The following XRN1 variants were observed in gnomAD, a reference collection of about 807,000 sequenced individuals.
XRN1 encodes the protein strand-exchange protein 1 homolog.
XRN1 carries 67 observed loss-of-function variants against 222.3 expected under a neutral mutation model. The observed-to-expected ratio is 0.30, with a 90% CI of 0.25 to 0.37. The LOEUF (loss-of-function observed/expected upper bound fraction) is 0.37. XRN1 is among the 10% of genes least tolerant of loss of function. The pLI is 1.00. For synonymous variants in XRN1, 643 were observed against 652.4 expected, an observed-to-expected ratio of 0.99 and a Z score of 0.22; for missense variants, 1,707 against 2,000.2, an observed-to-expected ratio of 0.85 and a Z score of 2.80.
Position 142,359,992 on chromosome 3 carries a change from T to C in XRN1, c.3395-61A>G, listed in dbSNP as rs1007579225. 19 of 1,232,456 alleles carry C rather than the reference T, an allele frequency of 1.5e-5. No individual in the cohort carries two copies. In the East Asian group the frequency reaches 4.1e-4, roughly 27 times the overall value. The allele number at this position is 1,232,456 out of a possible 1,614,324, so 76.3% of individuals were successfully genotyped here. On this transcript the variant is annotated intron_variant, in intron 29 of 40. Transcript: ENST00000392981. ...AATCATATGATGAAAAATCAACAGA[T>C]AAGTTTTTGGAGTGTTTGGAAGTAT...
intron 22 of XRN1, among the ~76,000 whole-genome samples, chr3:142,381,139 C>T (rs1255523694): frequency 6.6e-6 from 1 of 151,616 alleles, no homozygotes; most frequent in African/African-American, 2.4e-5. Flanking sequence ...AAAAATTTAT[C>T]CAGATTCACC....
rs1049783793 is a variant in XRN1 at position 142,311,363 on chromosome 3, A to G, written c.*148T>C. 5.7e-6 allele frequency: 4 copies of G among 700,166 alleles called. No individual in the cohort carries two copies. The East Asian group carries it at 8.6e-5, about 15-fold the overall frequency. 43.4% of individuals were successfully genotyped at this position (700,166 alleles called of 1,614,324 possible). On this transcript the variant is annotated 3_prime_UTR_variant, in exon 41 of 41. Transcript: ENST00000392981. ...TACACAGTCTTTTAAACAGCATGAA[A>G]AGTGCCTGATAACTTAAAAATGAAA...
chr3:142,327,048 T>C (rs1426522584), intron 37 of XRN1, among the ~76,000 whole-genome samples: 1 of 152,172 alleles, frequency 6.6e-6, no homozygotes, highest in Non-Finnish European at 1.5e-5. Context: ...TTATATCTAC[T>C]TCATCAGATA....
At position 142,403,743 on chromosome 3, in the gene XRN1, T is replaced by C. The variant is rs1251736601; in HGVS notation, c.2034A>G (p.Val678=). The change falls in exon 18 of 41, where the codon GTA becomes GTG. Residue 678 remains valine, a synonymous_variant. Coordinates refer to ENST00000392981, the MANE Select transcript of XRN1 (RefSeq NM_001282857.2). ...TTTCTCCACGACTGCTTTGCTGGAA[T>C]ACTTGAACACCACTTTTCTTCAAAA... ...KFFLKKSGVQ[V]FQQSSRGENM... is the part of the protein sequence containing the mutation. The C allele has an allele frequency of 6.2e-7, 1 of 1,613,298 alleles. No homozygotes were observed. The highest frequency in any genetic ancestry group is 8.5e-7 in the Non-Finnish European group (1 of 1,179,592).
At chr3:142,355,697 T>C (rs945856090) in intron 31 of XRN1, among the ~76,000 whole-genome samples, 6 of 152,078 alleles carry the variant, frequency 3.9e-5, no homozygotes, top group African/African-American at 1.4e-4. Context: ...TCATAGGTGA[T>C]TGTAACCTCG....
intron 33 of XRN1, among the ~76,000 whole-genome samples, 181 bp from the exon 34 acceptor site, chr3:142,335,690 G>A (rs957909649): frequency 1.3e-5 from 2 of 152,142 alleles, no homozygotes; most frequent in African/African-American, 2.4e-5. Context: ...GATAATAATA[G>A]AGAAAATGGA....
At chr3:142,429,332 TAG>T (rs1368439952) in intron 2 of XRN1, among the ~76,000 whole-genome samples, 2 of 151,846 alleles carry the variant, frequency 1.3e-5, no homozygotes, top group African/African-American at 4.8e-5. Flanking sequence ...GTATTTTTAG[TAG>T]AGACGGGGTT....
rs137857409 is a variant in XRN1, at chr3:142,368,914, C to T, written c.3204+1571G>A. On this transcript the variant is annotated intron_variant, in intron 27 of 40. Coordinates refer to ENST00000392981, the MANE Select transcript of XRN1 (RefSeq NM_001282857.2). ...GCTAGGCATTATTAGAAGTAGTTTA[C>T]GCAATATTAACTCAGTTTATCTTTT... Among the ~76,000 whole-genome samples, 835 of 152,218 alleles carry T rather than the reference C, an allele frequency of 5.5e-3. 14 individuals carry two copies. Among genetic ancestry groups the T allele is most frequent in the African/African-American group, 0.019 (785 of 41,512 alleles).
chr3:142,406,995 T>C (rs944898984), intron 15 of XRN1, among the ~76,000 whole-genome samples: 119 of 152,194 alleles, frequency 7.8e-4, no homozygotes, highest in African/African-American at 2.6e-3. Context: ...TAATAATGGA[T>C]TGGTATGAAA....
At chr3:142,375,470 C>T (rs1424652946) in intron 25 of XRN1, among the ~76,000 whole-genome samples, 1 of 152,080 alleles carries the variant, frequency 6.6e-6, no homozygotes, top group East Asian at 1.9e-4. Flanking sequence ...ATCCACTATG[C>T]TAAGAGCTTT....
chr3:142,334,738 CTAT>C (rs2065801801), intron 34 of XRN1, among the ~76,000 whole-genome samples: 1 of 146,778 alleles, frequency 6.8e-6, no homozygotes, highest in Non-Finnish European at 1.5e-5. Context: ...TATATAATGT[CTAT>C]GTGTGTGTAT....
intron 27 of XRN1, 55 bp from the exon 28 acceptor site, chr3:142,365,421 C>G (rs1204047574): frequency 7.5e-7 from 1 of 1,324,902 alleles, no homozygotes; most frequent in Admixed American, 2.3e-5. Flanking sequence ...TATAAAATCA[C>G]TACCTACTCA....
At chr3:142,316,790 A>T (rs1479244819) in intron 39 of XRN1, among the ~76,000 whole-genome samples, 2 of 152,186 alleles carry the variant, frequency 1.3e-5, no homozygotes, top group Admixed American at 1.3e-4. Flanking sequence ...AGGGTAGGCA[A>T]GGCATGAAGG....
rs1383467185 is a variant in XRN1 at position 142,327,884 on chromosome 3, T to C, written c.4404+1550A>G. ...TATTATTTCACACTCTATATCCCTA[T>C]GTACACATTATTTAGCTCCCACTTA... is the stretch of plus-strand genomic sequence containing the variant. On this transcript the variant is annotated intron_variant, in intron 37 of 40. Coordinates refer to ENST00000392981, the MANE Select transcript of XRN1 (RefSeq NM_001282857.2). 3.3e-5 allele frequency among the ~76,000 whole-genome samples: 5 copies of C among 152,176 alleles called. No homozygotes were observed. In the East Asian group the frequency reaches 9.6e-4, roughly 29 times the overall value.
intron 20 of XRN1, among the ~76,000 whole-genome samples, chr3:142,388,450 A>T (rs1266307736): frequency 3.3e-5 from 5 of 151,912 alleles, no homozygotes; most frequent in African/African-American, 1.2e-4. Flanking sequence ...TTGTATGTGC[A>T]TTTTTTTTAC....
At chr3:142,422,799 T>C in intron 7 of XRN1, 36 bp downstream of exon 7, 4 of 1,602,786 alleles carry the variant, frequency 2.5e-6, no homozygotes, top group Non-Finnish European at 3.4e-6. Flanking sequence ...ATTTCTGCAA[T>C]GGAAATCCTT....
chr3:142,380,663 T>A (rs557862335), intron 22 of XRN1, among the ~76,000 whole-genome samples: 2 of 152,208 alleles, frequency 1.3e-5, no homozygotes, highest in African/African-American at 2.4e-5. Context: ...ACAATCATTT[T>A]TTTTTTTGGC....
chr3:142,347,232 A>G lies in XRN1; in HGVS notation c.3877+2T>C. 6.3e-7 allele frequency: 1 copy of G among 1,588,680 alleles called. No individual in the cohort carries two copies. The highest frequency in any genetic ancestry group is 8.6e-7 in the Non-Finnish European group (1 of 1,162,984). ...AGTACACCTTTCTAATTTAAAACTT[A>G]CATTTTCTGTGAGGGTCATGTTTTC... On this transcript the variant is annotated splice_donor_variant, in intron 33 of 40. Coordinates refer to ENST00000392981, the MANE Select transcript of XRN1 (RefSeq NM_001282857.2). LOFTEE classifies it high-confidence loss of function.
At chr3:142,417,336 T>C in intron 12 of XRN1, 107 bp from the exon 13 acceptor site, 2 of 867,338 alleles carry the variant, frequency 2.3e-6, no homozygotes, top group South Asian at 3.9e-5. Flanking sequence ...ATTTATTTAA[T>C]CAATGAATTA....
Sources: gnomAD v4.1 joint callset for allele counts (sites outside exome capture counted in the v4.1 genomes callset) on GRCh38, gnomAD v4.1.1 for gene constraint, MANE v1.5 for transcripts, NCBI Gene and HGNC (gene_info 2026-07-23, HGNC 2026-07-21) for gene names.